Variants in CC2D1B observed in about 807,000 individuals in gnomAD.
The protein encoded by CC2D1B is coiled-coil and C2 domain containing 1B.
Under a neutral mutation model 110.8 loss-of-function variants are expected in CC2D1B, and 92 were observed. That is an observed-to-expected ratio of 0.83 (90% CI 0.70 to 0.99). CC2D1B has a LOEUF of 0.99. Among genes scored for constraint, CC2D1B ranks in the 50% least tolerant of loss-of-function variants. The pLI is 0.00. For synonymous variants in CC2D1B, 406 were observed against 429.2 expected, an observed-to-expected ratio of 0.95 and a Z score of 0.67; for missense variants, 1,136 against 1,089.0, an observed-to-expected ratio of 1.04 and a Z score of -0.61.
chr1:52,351,118 A>G lies in CC2D1B; in HGVS notation c.*2107T>C, dbSNP rs1214356457. 1 of 152,218 alleles carries G rather than the reference A, an allele frequency of 6.6e-6. No homozygotes were observed. The highest frequency in any genetic ancestry group is 1.5e-5 in the Non-Finnish European group (1 of 68,042). The allele number at this position is 152,218 out of a possible 1,614,324, so 9.4% of individuals were successfully genotyped here. Reference sequence around the variant, plus strand: ...AGGCTCCTCCTACTACCAGTGACGCATGCATGCCTTTGGCTACAACAAAGG... The same window carrying G: ...AGGCTCCTCCTACTACCAGTGACGCGTGCATGCCTTTGGCTACAACAAAGG... On this transcript the variant is annotated 3_prime_UTR_variant, in exon 25 of 25. Coordinates refer to ENST00000284376, the MANE Select transcript of CC2D1B (RefSeq NM_001330585.2).
chr1:52,358,529 C>T, intron 12 of CC2D1B, 68 bp from the exon 13 acceptor site: 7 of 1,608,102 alleles, frequency 4.4e-6, no homozygotes, highest in Non-Finnish European at 5.9e-6. Context: ...TACCCGGGGC[C>T]CTGTCTGGGG....
intron 16 of CC2D1B, 35 bp from the exon 17 acceptor site, chr1:52,356,477 A>T (rs76357021): frequency 6.2e-7 from 1 of 1,612,678 alleles, no homozygotes; most frequent in East Asian, 2.2e-5. Context: ...TCCCGAGCCC[A>T]GAGCAGGACC....
At chr1:52,358,302 C>T (rs781230319) in intron 13 of CC2D1B, 29 bp downstream of exon 13, 7 of 1,605,324 alleles carry the variant, frequency 4.4e-6, no homozygotes, top group South Asian at 1.1e-5. Flanking sequence ...TTCTCCCCAC[C>T]AGCCCTGGAG....
At chr1:52,361,643 A>G (rs1044122233) in intron 3 of CC2D1B, 27 bp from the exon 4 acceptor site, 6 of 1,613,394 alleles carry the variant, frequency 3.7e-6, no homozygotes, top group Non-Finnish European at 5.1e-6. Context: ...ACAACAAGTC[A>G]GCACAACTCA....
At position 52,364,638 on chromosome 1, in the gene CC2D1B, T is replaced by A. The variant is rs1371016910; in HGVS notation, c.-14-4A>T. The A allele has an allele frequency of 6.3e-7, 1 of 1,593,982 alleles. No homozygotes were observed. The highest frequency in any genetic ancestry group is 1.3e-5 in the African/African-American group (1 of 74,618). ...GGCATCATGGCAGCCTAGATACCTATGGAAGAGTTACAGAGATTCAGGCTG... is the reference window on the plus strand; with the variant it reads ...GGCATCATGGCAGCCTAGATACCTAAGGAAGAGTTACAGAGATTCAGGCTG... On this transcript the variant is annotated splice_region_variant and splice_polypyrimidine_tract_variant and intron_variant, in intron 1 of 24. Coordinates refer to ENST00000284376, the MANE Select transcript of CC2D1B (RefSeq NM_001330585.2).
In CC2D1B at chr1:52,353,002, C is replaced by T. The variant is rs1022218864; in HGVS notation, c.*223G>A. On this transcript the variant is annotated 3_prime_UTR_variant, in exon 25 of 25. Coordinates refer to ENST00000284376, the MANE Select transcript of CC2D1B (RefSeq NM_001330585.2). ...CCAGACTCGGGGCAGGGGGAGACAG[C>T]GGGGAGATGGGCTCCTGGAACCCAG... The T allele has an allele frequency of 5.6e-5, 22 of 389,712 alleles. No individual in the cohort carries two copies. Among genetic ancestry groups the T allele is most frequent in the South Asian group, 2.7e-4 (13 of 48,814 alleles). The allele number at this position is 389,712 out of a possible 1,614,324, so 24.1% of individuals were successfully genotyped here.
At chr1:52,354,001 A>C in intron 23 of CC2D1B, 1 of 277,022 alleles carries the variant, frequency 3.6e-6, no homozygotes, top group Non-Finnish European at 7.0e-6. Context: ...GAAGCAGATG[A>C]CTCTATGTGG....
In CC2D1B at chr1:52,354,881, C is replaced by T. The variant is rs769824564; in HGVS notation, c.2298G>A (p.Val766=). Residue 766 remains valine (V), a synonymous_variant, in exon 22 of 25, where the codon GTG becomes GTA. Transcript: ENST00000284376. ...CAAACTTGATGCCTTTGCTCTGGAT[C>T]ACCCTCTTGAAGCCCCGGTGGTTTC... is the stretch of plus-strand genomic sequence containing the variant. ...INRNHRGFKR[V]IQSKGIKFEI... is the part of the protein sequence containing the mutation. The T allele has an allele frequency of 6.2e-7, 1 of 1,614,216 alleles. No homozygotes were observed. Among genetic ancestry groups the T allele is most frequent in the African/African-American group, 1.3e-5 (1 of 75,044 alleles).
In CC2D1B at chr1:52,353,660, CAG is replaced by C; in HGVS notation, c.2431-15_2431-14del. On this transcript the variant is annotated splice_polypyrimidine_tract_variant and intron_variant, in intron 23 of 24. Transcript: ENST00000284376. Reference sequence around the variant, plus strand: ...TTCCATCCAGGACCTGTGAGGACCACAGAGAGGGAAATGGTAACTAAGGGGAC... The same window carrying C: ...TTCCATCCAGGACCTGTGAGGACCACAGAGGGAAATGGTAACTAAGGGGAC... 2 of 1,577,912 alleles carry C rather than the reference CAG, an allele frequency of 1.3e-6. No individual in the cohort carries two copies. Among genetic ancestry groups the C allele is most frequent in the Non-Finnish European group, 8.6e-7 (1 of 1,161,008 alleles).
intron 23 of CC2D1B, 109 bp from the exon 24 acceptor site, chr1:52,353,756 C>G: frequency 1.3e-6 from 1 of 754,616 alleles, no homozygotes. Context: ...TGTCCTGTGG[C>G]ATGAACACAG....
chr1:52,356,657 T>G lies in CC2D1B; in HGVS notation c.1879-215A>C, dbSNP rs556836775. On this transcript the variant is annotated intron_variant, in intron 16 of 24. Coordinates refer to ENST00000284376, the MANE Select transcript of CC2D1B (RefSeq NM_001330585.2). ...TTCTGAGGAGAGCCATTCCCCAAAT[T>G]AGCAACTCCTTCCATCAAAACCTAA... is the stretch of plus-strand genomic sequence containing the variant. 54 of 614,062 alleles carry G rather than the reference T, an allele frequency of 8.8e-5. No homozygotes were observed. In the South Asian group the frequency reaches 1.0e-3, roughly 12 times the overall value. The allele number at this position is 614,062 out of a possible 1,614,324, so 38.0% of individuals were successfully genotyped here.
At position 52,354,644 on chromosome 1, in the gene CC2D1B, C is replaced by T. The variant is rs754975155; in HGVS notation, c.2394G>A (p.Arg798=). ...LVGTAHLKLE[R]LENECEIREI... ...CTCTGATCTCACACTCATTCTCCAG[C>T]CGCTCCAGTTTCAGGTGTGCTGTGC... Residue 798 remains arginine, a synonymous_variant, in exon 23 of 25, where the codon CGG becomes CGA. Coordinates refer to ENST00000284376, the MANE Select transcript of CC2D1B (RefSeq NM_001330585.2). The T allele has an allele frequency of 3.7e-6, 6 of 1,614,250 alleles. No individual in the cohort carries two copies. In the Admixed American group the frequency reaches 1.0e-4, roughly 27 times the overall value.
At chr1:52,362,399 TCCA>T in intron 3 of CC2D1B, among the ~76,000 whole-genome samples, 200 bp downstream of exon 3, 1 of 152,178 alleles carries the variant, frequency 6.6e-6, no homozygotes, top group East Asian at 1.9e-4. Flanking sequence ...AACACATTTG[TCCA>T]CAATGGGGAG....
intron 1 of CC2D1B, among the ~76,000 whole-genome samples, chr1:52,365,658 C>G (rs1169712643): frequency 6.6e-6 from 1 of 152,220 alleles, no homozygotes; most frequent in African/African-American, 2.4e-5. Flanking sequence ...GGGATCGTAT[C>G]GGTGTTTCAG....
In CC2D1B at chr1:52,359,141, T is replaced by TG. The variant is rs1193825477; in HGVS notation, c.1142dup (p.Gln382ThrfsTer34). 6.2e-7 allele frequency: 1 copy of TG among 1,611,166 alleles called. No homozygotes were observed. Among genetic ancestry groups the TG allele is most frequent in the Non-Finnish European group, 8.5e-7 (1 of 1,179,876 alleles). Reference sequence around the variant, plus strand: ...GCTGCAGGGCATCCAGCACTGTCTGTGACTCTGTAGGGGCCACTTGAAGGA... The same window carrying TG: ...GCTGCAGGGCATCCAGCACTGTCTGTGGACTCTGTAGGGGCCACTTGAAGGA... On this transcript the variant is annotated frameshift_variant, in exon 11 of 25. Coordinates refer to ENST00000284376, the MANE Select transcript of CC2D1B (RefSeq NM_001330585.2). LOFTEE classifies it high-confidence loss of function.
rs553799683 is a variant in CC2D1B, at chr1:52,354,851, G to T, written c.2328C>A (p.Ile776=). 4 of 1,614,104 alleles carry T rather than the reference G, an allele frequency of 2.5e-6. No homozygotes were observed. Among genetic ancestry groups the T allele is most frequent in the African/African-American group, 2.7e-5 (2 of 75,066 alleles). ...VIQSKGIKFE[I]FHKGSFFRSD... ...GATAGGAGCCTCACCCTTTGTGGAA[G>T]ATCTCAAACTTGATGCCTTTGCTCT... The change falls in exon 22 of 25, where the codon ATC becomes ATA. Residue 776 remains isoleucine (I), a synonymous_variant. Coordinates refer to ENST00000284376, the MANE Select transcript of CC2D1B (RefSeq NM_001330585.2).
intron 15 of CC2D1B, 25 bp downstream of exon 15, chr1:52,357,501 T>C: frequency 6.4e-7 from 1 of 1,554,250 alleles, no homozygotes; most frequent in South Asian, 1.2e-5. Context: ...TGAGAAGTCC[T>C]GGTGGTTAAC....
rs768559282 is a variant in CC2D1B at position 52,354,891 on chromosome 1, A to G, written c.2288T>C (p.Phe763Ser). 1.8e-5 allele frequency: 29 copies of G among 1,614,018 alleles called. No individual in the cohort carries two copies. In the South Asian group the frequency reaches 3.1e-4, roughly 17 times the overall value. The change falls in exon 22 of 25, where the codon TTC (phenylalanine) becomes TCC (serine). Residue 763 changes from phenylalanine to serine, a missense_variant. Coordinates refer to ENST00000284376, the MANE Select transcript of CC2D1B (RefSeq NM_001330585.2). ...KLNINRNHRG[F>S]KRVIQSKGIK... ...GCCTTTGCTCTGGATCACCCTCTTGAAGCCCCGGTGGTTTCGGTTGATGTT... is the reference window on the plus strand; with the variant it reads ...GCCTTTGCTCTGGATCACCCTCTTGGAGCCCCGGTGGTTTCGGTTGATGTT...
At chr1:52,356,923 T>G (rs1646664961) in intron 16 of CC2D1B, 78 bp downstream of exon 16, 2 of 1,465,910 alleles carry the variant, frequency 1.4e-6, no homozygotes. Context: ...TCCAGGGCTG[T>G]GTGGTCTGAG....
Sources: allele counts gnomAD v4.1 joint callset (sites outside exome capture counted in the v4.1 genomes callset), GRCh38; gene constraint gnomAD v4.1.1; transcripts MANE v1.5; gene names NCBI Gene and HGNC (gene_info 2026-07-23, HGNC 2026-07-21).